The following MBP variants were observed in gnomAD, a reference collection of about 807,000 sequenced individuals.
The protein encoded by MBP is Golli-MBP.
MBP carries 16 observed loss-of-function variants against 35.8 expected under a neutral mutation model. The observed-to-expected ratio is 0.45, with a 90% CI of 0.30 to 0.68. The LOEUF (loss-of-function observed/expected upper bound fraction) is 0.68. Ranked by LOEUF, MBP falls within the 30% of genes least tolerant of loss-of-function variation. MBP has a pLI of 0.08. For synonymous variants in MBP, 143 were observed against 159.6 expected (o/e 0.90, Z 0.78); for missense variants, 380 against 404.7 (o/e 0.94, Z 0.52).
chr18:77,010,386 T>C (rs1971276156), intron 4 of MBP, among the ~76,000 whole-genome samples: 1 of 152,248 alleles, frequency 6.6e-6, no homozygotes, highest in Non-Finnish European at 1.5e-5. Context: ...GGATAAATTT[T>C]ACATTCCACT....
At chr18:77,066,580 T>C (rs1429028158) in intron 2 of MBP, 195 bp from the exon 3 acceptor site, 3 of 755,970 alleles carry the variant, frequency 4.0e-6, no homozygotes, top group Non-Finnish European at 7.3e-6. Flanking sequence ...TTGTTTTCTC[T>C]GCCTAAGCAC....
chr18:77,026,196 G>A (rs1240469721), intron 3 of MBP, among the ~76,000 whole-genome samples: 1 of 152,238 alleles, frequency 6.6e-6, no homozygotes, highest in Non-Finnish European at 1.5e-5. Flanking sequence ...CCTGAACTCA[G>A]CGCTTTTCAC....
At chr18:77,035,081 C>T (rs1441561135) in intron 3 of MBP, among the ~76,000 whole-genome samples, 2 of 152,186 alleles carry the variant, frequency 1.3e-5, no homozygotes, top group Non-Finnish European at 2.9e-5. Flanking sequence ...GCACAGCTCC[C>T]CGGGCACCCA....
intron 1 of MBP, among the ~76,000 whole-genome samples, chr18:77,125,111 G>T (rs1475261671): frequency 1.3e-5 from 2 of 152,082 alleles, no homozygotes; most frequent in Non-Finnish European, 2.9e-5. Context: ...GAAGAGGAGG[G>T]AGACTGTCTC....
chr18:77,012,629 T>C (rs149962541), intron 4 of MBP: 68 of 188,552 alleles, frequency 3.6e-4, no homozygotes, highest in African/African-American at 1.5e-3. Flanking sequence ...TGAGCAACTG[T>C]GACCTTCCCA....
At chr18:77,056,457 G>A (rs1051737209) in intron 3 of MBP, among the ~76,000 whole-genome samples, 2 of 152,186 alleles carry the variant, frequency 1.3e-5, no homozygotes, top group African/African-American at 4.8e-5. Flanking sequence ...TCTTCTCGAA[G>A]GACCCAGGAG....
chr18:77,056,698 A>T (rs1170918225), intron 3 of MBP, among the ~76,000 whole-genome samples: 1 of 152,148 alleles, frequency 6.6e-6, no homozygotes, highest in Non-Finnish European at 1.5e-5. Context: ...CTCCTACTGC[A>T]ATAGTCTGGG....
chr18:77,076,348 C>T (rs1974650348), intron 2 of MBP, among the ~76,000 whole-genome samples: 1 of 152,238 alleles, frequency 6.6e-6, no homozygotes, highest in Non-Finnish European at 1.5e-5. Context: ...GAGTGCCCCA[C>T]AGGGGAGTCC....
chr18:77,107,975 GACA>G (rs1297517531), intron 1 of MBP, among the ~76,000 whole-genome samples: 3 of 152,162 alleles, frequency 2.0e-5, no homozygotes, highest in African/African-American at 7.2e-5. Context: ...GGAACAAAAC[GACA>G]ACTTGATGTG....
Position 76,984,797 on chromosome 18 carries a change from G to A in MBP, c.848C>T (p.Thr283Met), listed in dbSNP as rs771241682. ...TACCAGCTTAAAAATTTTGGAAAGC[G>A]TGCCCTGGGCATCGACTCCCTTGAA... Reference protein sequence around the residue: ...KGFKGVDAQGTLSKIFKLGGR... With the variant: ...KGFKGVDAQGMLSKIFKLGGR... The change falls in exon 8 of 9, where the codon ACG (threonine) becomes ATG (methionine). Residue 283 changes from threonine (T) to methionine (M), a missense_variant. By Grantham distance (81) the Thr-to-Met change is moderately conservative. Coordinates refer to ENST00000355994, the MANE Select transcript of MBP (RefSeq NM_001025101.2). The A allele has an allele frequency of 3.1e-6, 5 of 1,614,088 alleles. No individual in the cohort carries two copies. Among genetic ancestry groups the A allele is most frequent in the Admixed American group, 1.7e-5 (1 of 60,032 alleles).
At chr18:77,043,132 T>C (rs1415232425) in intron 3 of MBP, among the ~76,000 whole-genome samples, 2 of 152,206 alleles carry the variant, frequency 1.3e-5, no homozygotes, top group African/African-American at 4.8e-5. Flanking sequence ...ATAGGGCCTA[T>C]CAGAATGAAG....
At chr18:77,060,925 T>C (rs1297320355) in intron 3 of MBP, among the ~76,000 whole-genome samples, 2 of 152,210 alleles carry the variant, frequency 1.3e-5, no homozygotes, top group Non-Finnish European at 2.9e-5. Context: ...CTGTCTTCTC[T>C]TGAGGCTGCC....
rs530912021 is a variant in MBP, at chr18:77,016,147, A to G, written c.576+685T>C. On this transcript the variant is annotated intron_variant, in intron 4 of 8. Coordinates refer to ENST00000355994, the MANE Select transcript of MBP (RefSeq NM_001025101.2). ...ACCACTCCTAGACTCTGGACCCCAT[A>G]GCAGAGTTTTTTTTTTTTGTAATAC... The G allele has an allele frequency of 2.8e-4, 259 of 940,096 alleles. 2 individuals are homozygous for G. In the African/African-American group the frequency reaches 6.5e-3, roughly 24 times the overall value. 58.2% of individuals were successfully genotyped at this position (940,096 alleles called of 1,614,324 possible).
In MBP at chr18:76,995,638, G is replaced by A. The variant is rs369694449; in HGVS notation, c.577-5578C>T. Among the ~76,000 whole-genome samples the A allele has an allele frequency of 2.6e-5, 4 of 151,908 alleles. No individual in the cohort carries two copies. In the South Asian group the frequency reaches 8.3e-4, roughly 32 times the overall value. On this transcript the variant is annotated intron_variant, in intron 4 of 8. Coordinates refer to ENST00000355994, the MANE Select transcript of MBP (RefSeq NM_001025101.2). ...ACATCCATATGTTAAAAAAAACAAC[G>A]ACCACGAAAAACCACTTTAACCCAA...
At chr18:77,032,144 T>C (rs1450341185) in intron 3 of MBP, among the ~76,000 whole-genome samples, 1 of 152,178 alleles carries the variant, frequency 6.6e-6, no homozygotes, top group East Asian at 1.9e-4. Context: ...GGCCGAGCCC[T>C]GCAGAGACCA....
At position 76,988,755 on chromosome 18, in the gene MBP, G is replaced by A; in HGVS notation, c.717+122C>T. 7.3e-7 allele frequency: 1 copy of A among 1,361,286 alleles called. No homozygotes were observed. Among genetic ancestry groups the A allele is most frequent in the Non-Finnish European group, 1.0e-6 (1 of 983,328 alleles). The allele number at this position is 1,361,286 out of a possible 1,614,324, so 84.3% of individuals were successfully genotyped here. A position where few individuals can be genotyped will look rare whatever the true frequency, so the allele number is the denominator to read the frequency against. On this transcript the variant is annotated intron_variant, in intron 6 of 8. Coordinates refer to ENST00000355994, the MANE Select transcript of MBP (RefSeq NM_001025101.2). The surrounding 1 kb of genome is among the most constrained non-coding windows in gnomAD (Gnocchi z 5.2). Reference sequence around the variant, plus strand: ...ACCTGTTCTACTTGGGAGCTGCCTGGCAACACGTTTTGGGATGGATTCTGG... The same window carrying A: ...ACCTGTTCTACTTGGGAGCTGCCTGACAACACGTTTTGGGATGGATTCTGG...
chr18:76,986,381 T>C, intron 7 of MBP: 1 of 985,500 alleles, frequency 1.0e-6, no homozygotes, highest in Non-Finnish European at 1.2e-6. Context: ...CCATCTCTTA[T>C]TTAGAGGTGA....
chr18:77,049,576 T>C (rs1242154604), intron 3 of MBP, among the ~76,000 whole-genome samples: 1 of 152,214 alleles, frequency 6.6e-6, no homozygotes, highest in Non-Finnish European at 1.5e-5. Flanking sequence ...AGAGTAAGGG[T>C]CATTACATAA....
chr18:77,051,410 C>T (rs1295134358), intron 3 of MBP, among the ~76,000 whole-genome samples: 1 of 152,348 alleles, frequency 6.6e-6, no homozygotes, highest in East Asian at 1.9e-4. Flanking sequence ...CCACTGTCGG[C>T]CTGGCTCACA....
Sources: gnomAD v4.1 joint callset for allele counts (sites outside exome capture counted in the v4.1 genomes callset) on GRCh38, gnomAD v4.1.1 for gene constraint, Gnocchi (gnomAD v3.1) non-coding constraint, MANE v1.5 for transcripts, NCBI Gene and HGNC (gene_info 2026-07-23, HGNC 2026-07-21) for gene names.